The following PDE11A variants were observed in gnomAD, a reference collection of about 807,000 sequenced individuals.
PDE11A encodes dual 3',5'-cyclic-AMP and -GMP phosphodiesterase 11A.
In PDE11A, 100 loss-of-function variants were observed where a neutral mutation model predicts 100.5. The ratio of observed to expected loss-of-function variants is 1.00; its 90% CI spans 0.85 to 1.18. PDE11A has a LOEUF of 1.18. PDE11A is among the 50% of genes most tolerant of loss of function. PDE11A has a pLI of 0.00. For missense variants in PDE11A, 1,141 were observed against 1,152.6 expected, an observed-to-expected ratio of 0.99 and a Z score of 0.15; for synonymous variants, 381 against 420.8, an observed-to-expected ratio of 0.91 and a Z score of 1.16.
chr2:177,834,760 T>G (rs1443405110), intron 6 of PDE11A, among the ~76,000 whole-genome samples: 1 of 152,224 alleles, frequency 6.6e-6, no homozygotes, highest in Non-Finnish European at 1.5e-5. Flanking sequence ...TTCCCAGGCT[T>G]GCACCTAAGC....
At chr2:177,923,528 C>T (rs968268106) in intron 2 of PDE11A, among the ~76,000 whole-genome samples, 32 of 152,278 alleles carry the variant, frequency 2.1e-4, no homozygotes, top group Admixed American at 1.8e-3. Flanking sequence ...AATTGGGTCA[C>T]GTGGTCATTG....
intron 9 of PDE11A, among the ~76,000 whole-genome samples, chr2:177,778,045 A>AAAC (rs1177665542): frequency 6.6e-6 from 1 of 152,382 alleles, no homozygotes; most frequent in Non-Finnish European, 1.5e-5. Flanking sequence ...GCTTCCAGCA[A>AAAC]AACAACAACA....
At chr2:177,969,855 A>C (rs1240877003) in intron 2 of PDE11A, among the ~76,000 whole-genome samples, 2 of 152,182 alleles carry the variant, frequency 1.3e-5, no homozygotes, top group Non-Finnish European at 1.5e-5. Flanking sequence ...TTGAATATCT[A>C]CTATGCATTT....
rs1045432169 is a variant in PDE11A at position 177,679,141 on chromosome 2, G to A, written c.2423+1685C>T. Among the ~76,000 whole-genome samples, 8 of 136,008 alleles carry A rather than the reference G, an allele frequency of 5.9e-5. No homozygotes were observed. The East Asian group carries it at 1.4e-3, about 24-fold the overall frequency. The allele number at this position is 136,008 out of a possible 152,430, so 89.2% of individuals were successfully genotyped here. The stretch of plus-strand genomic sequence containing the variant: ...GCTATAAAGAGATCAGGAAGCTGAA[G>A]AGAACAAAGGTTGTAGCTTTTAATA... On this transcript the variant is annotated intron_variant, in intron 16 of 19. Transcript: ENST00000286063.
rs560254270 is a variant in PDE11A, at chr2:177,875,603, G to A, written c.1367+256C>T. Among the ~76,000 whole-genome samples, 145 of 151,856 alleles carry A rather than the reference G, an allele frequency of 9.5e-4. 1 individual carries two copies. In the Middle Eastern group the frequency reaches 0.01, roughly 11 times the overall value. Reference sequence around the variant, plus strand: ...TCACCATGTTAGCCAGGATGGTCTCGATCTCCTGATCTCATGATTCGCCCG... The same window carrying A: ...TCACCATGTTAGCCAGGATGGTCTCAATCTCCTGATCTCATGATTCGCCCG... On this transcript the variant is annotated intron_variant, in intron 5 of 19. Transcript: ENST00000286063.
intron 9 of PDE11A, among the ~76,000 whole-genome samples, chr2:177,805,135 A>C (rs2082851268): frequency 6.6e-6 from 1 of 151,648 alleles, no homozygotes; most frequent in Non-Finnish European, 1.5e-5. Flanking sequence ...AAAATGCCTA[A>C]AACAAAATGA....
chr2:178,051,538 T>TC (rs1392569935), intron 1 of PDE11A, among the ~76,000 whole-genome samples: 1 of 151,950 alleles, frequency 6.6e-6, no homozygotes, highest in Non-Finnish European at 1.5e-5. Context: ...GGCTAAATGC[T>TC]CCAATTAAAA....
chr2:177,902,894 T>G (rs989132904), intron 3 of PDE11A, among the ~76,000 whole-genome samples: 1 of 152,188 alleles, frequency 6.6e-6, no homozygotes, highest in African/African-American at 2.4e-5. Flanking sequence ...AATACAGTTC[T>G]TTCCTAAGTC....
rs2080302036 is a variant in PDE11A at position 177,651,118 on chromosome 2, G to A, written c.2646+12748C>T. 2.0e-5 allele frequency among the ~76,000 whole-genome samples: 3 copies of A among 152,186 alleles called. No individual in the cohort carries two copies. The South Asian group carries it at 6.2e-4, about 32-fold the overall frequency. ...AGCATCTAACTTGGTATTGTGAAGA[G>A]AATTAAATCAGATCATGCTTGGAAA... On this transcript the variant is annotated intron_variant, in intron 19 of 19. Coordinates refer to ENST00000286063, the MANE Select transcript of PDE11A (RefSeq NM_016953.4).
intron 1 of PDE11A, among the ~76,000 whole-genome samples, chr2:178,055,370 G>GA (rs988643823): frequency 6.6e-5 from 10 of 151,096 alleles, no homozygotes; most frequent in Admixed American, 1.3e-4. Flanking sequence ...AGGGAGGAGG[G>GA]ATAGCATTAG....
At chr2:178,042,051 T>TA (rs1368522788) in intron 1 of PDE11A, among the ~76,000 whole-genome samples, 2 of 152,374 alleles carry the variant, frequency 1.3e-5, no homozygotes, top group African/African-American at 4.8e-5. Flanking sequence ...TCTCTGTTTC[T>TA]AAATGGGTCT....
At chr2:177,634,391 T>TC (rs1313675092) in intron 19 of PDE11A, among the ~76,000 whole-genome samples, 2 of 78,914 alleles carry the variant, frequency 2.5e-5, no homozygotes, top group African/African-American at 3.7e-5. Context: ...TCTCTCTCTC[T>TC]TTTTTTTTTT....
In PDE11A at chr2:178,072,695, C is replaced by A; in HGVS notation, c.-258G>T. 1 of 1,403,514 alleles carries A rather than the reference C, an allele frequency of 7.1e-7. No homozygotes were observed. Among genetic ancestry groups the A allele is most frequent in the African/African-American group, 1.4e-5 (1 of 69,156 alleles). The allele number at this position is 1,403,514 out of a possible 1,614,324, so 86.9% of individuals were successfully genotyped here. ...GCCCAGCACTGAGCTGCCGCCGCTG[C>A]CCCGGCTCCTGTTCCGGAAACCCGA... On this transcript the variant is annotated 5_prime_UTR_variant, in exon 1 of 20. Coordinates refer to ENST00000286063, the MANE Select transcript of PDE11A (RefSeq NM_016953.4).
intron 1 of PDE11A, among the ~76,000 whole-genome samples, chr2:178,024,293 T>G (rs2086450898): frequency 6.6e-6 from 1 of 152,068 alleles, no homozygotes; most frequent in South Asian, 2.1e-4. Flanking sequence ...ACACCTGTAA[T>G]CCCAGCTACT....
chr2:178,073,122 T>C, upstream of PDE11A: 1 of 959,534 alleles, frequency 1.0e-6, no homozygotes, highest in Non-Finnish European at 1.2e-6. Context: ...GAGATACAAG[T>C]GTTGATGTTT....
At chr2:178,086,599 T>A (rs762330152) in intron 2 of PDE11A, among the ~76,000 whole-genome samples, 14 of 152,094 alleles carry the variant, frequency 9.2e-5, no homozygotes, top group African/African-American at 2.7e-4. Flanking sequence ...CAAATACTTA[T>A]CAAAAAAGGA....
chr2:177,901,718 G>A (rs1558998442), intron 3 of PDE11A, among the ~76,000 whole-genome samples: 1 of 152,142 alleles, frequency 6.6e-6, no homozygotes, highest in Admixed American at 6.5e-5. Flanking sequence ...TGAGACAATT[G>A]TCTCAGTAAT....
intron 15 of PDE11A, among the ~76,000 whole-genome samples, chr2:177,695,515 G>A (rs1278836440): frequency 2.0e-5 from 3 of 152,136 alleles, no homozygotes; most frequent in African/African-American, 4.8e-5. Context: ...CTGGGTGTAT[G>A]GCTTATAGAC....
intron 4 of PDE11A, among the ~76,000 whole-genome samples, chr2:177,890,437 C>T (rs1369101327): frequency 6.6e-6 from 1 of 152,168 alleles, no homozygotes; most frequent in Non-Finnish European, 1.5e-5. Flanking sequence ...ACATTGTGCT[C>T]TACCCAAGAT....
Sources: allele counts gnomAD v4.1 joint callset (sites outside exome capture counted in the v4.1 genomes callset), GRCh38; gene constraint gnomAD v4.1.1; transcripts MANE v1.5; gene names NCBI Gene and HGNC (gene_info 2026-07-23, HGNC 2026-07-21).